Variants in VGLL4 observed in about 807,000 individuals in gnomAD.
VGLL4 encodes vestigial like family member 4, also known as transcription cofactor vestigial-like protein 4.
Under a neutral mutation model 21.0 loss-of-function variants are expected in VGLL4, and 7 were observed. The ratio of observed to expected loss-of-function variants is 0.33; its 90% CI spans 0.19 to 0.63. The LOEUF (loss-of-function observed/expected upper bound fraction) is 0.63. Among genes scored for constraint, VGLL4 ranks in the 20% least tolerant of loss-of-function variants. The probability of loss-of-function intolerance (pLI) is 0.78; values close to 1 mark genes in which losing one functional copy is unlikely to be tolerated. For missense variants in VGLL4, 394 were observed against 425.7 expected, an observed-to-expected ratio of 0.93 and a Z score of 0.66; for synonymous variants, 222 against 173.2, an observed-to-expected ratio of 1.28 and a Z score of -2.21.
At chr3:11,642,269 C>T (rs1260910310) in intron 1 of VGLL4, among the ~76,000 whole-genome samples, 1 of 152,150 alleles carries the variant, frequency 6.6e-6, no homozygotes, top group African/African-American at 2.4e-5. Context: ...ATGAGATCCT[C>T]ATCCATAGAG....
At chr3:11,620,522 G>A (rs138865981) in intron 1 of VGLL4, among the ~76,000 whole-genome samples, 146 of 152,230 alleles carry the variant, frequency 9.6e-4, no homozygotes, top group African/African-American at 3.2e-3. Context: ...TTGATCATAC[G>A]TAAAACCTTT....
intron 2 of VGLL4, among the ~76,000 whole-genome samples, chr3:11,702,282 A>T (rs1169007786): frequency 6.6e-6 from 1 of 152,014 alleles, no homozygotes; most frequent in African/African-American, 2.4e-5. Flanking sequence ...AACGACCTAC[A>T]ATTAACGGTT....
intron 2 of VGLL4, chr3:11,702,741 A>C (rs9850188): frequency 0.11 from 29,176 of 253,752 alleles, 2,944 homozygotes; most frequent in African/African-American, 0.28. Flanking sequence ...CAAAAAAAAA[A>C]AAACAAAAAA....
At chr3:11,561,481 C>G (rs1204393282) in intron 3 of VGLL4, among the ~76,000 whole-genome samples, 1 of 152,208 alleles carries the variant, frequency 6.6e-6, no homozygotes, top group African/African-American at 2.4e-5. Flanking sequence ...CTCTCCTCCT[C>G]CCCACAACCC....
chr3:11,647,692 T>C (rs1190750089), upstream of VGLL4, among the ~76,000 whole-genome samples: 12 of 152,216 alleles, frequency 7.9e-5, no homozygotes, highest in Admixed American at 7.8e-4. Context: ...GCTTCTTTCC[T>C]AGCCTAGATC....
chr3:11,565,130 G>T lies in VGLL4; in HGVS notation c.273-111C>A. The T allele has an allele frequency of 9.0e-7, 1 of 1,114,070 alleles. No individual in the cohort carries two copies. The highest frequency in any genetic ancestry group is 1.2e-6 in the Non-Finnish European group (1 of 845,900). The allele number at this position is 1,114,070 out of a possible 1,614,324, so 69.0% of individuals were successfully genotyped here. On this transcript the variant is annotated intron_variant, in intron 2 of 4. Coordinates refer to ENST00000430365, the MANE Select transcript of VGLL4 (RefSeq NM_001128219.3). The surrounding 1 kb of genome is among the most constrained non-coding windows in gnomAD (Gnocchi z 4.1). ...ATTTAATTTTTTACCCTGAAGCTCAGGTCGTGTGGCTGGGCAGCACGATGA... is the reference window on the plus strand; with the variant it reads ...ATTTAATTTTTTACCCTGAAGCTCATGTCGTGTGGCTGGGCAGCACGATGA...
chr3:11,652,118 C>T lies in VGLL4; in HGVS notation c.65-50096G>A, dbSNP rs148680207. ...CATATTTAAATTTTCAATACAACAC[C>T]ACCCTCTAGGGGTGAACTTTAAATT... is the stretch of plus-strand genomic sequence containing the variant. On this transcript the variant is annotated intron_variant, in intron 2 of 5. Coordinates refer to the VGLL4 transcript ENST00000273038. Among the ~76,000 whole-genome samples, 480 of 152,232 alleles carry T rather than the reference C, an allele frequency of 3.2e-3. 2 individuals are homozygous for T. Among genetic ancestry groups the T allele is most frequent in the African/African-American group, 0.011 (448 of 41,544 alleles).
intron 2 of VGLL4, among the ~76,000 whole-genome samples, chr3:11,573,291 G>A (rs1235673590): frequency 9.2e-5 from 1 of 10,914 alleles, no homozygotes. Context: ...AAGAAAGAAA[G>A]AAAGAAAGAA....
chr3:11,624,252 C>T (rs1283661847), intron 1 of VGLL4, among the ~76,000 whole-genome samples: 2 of 152,218 alleles, frequency 1.3e-5, no homozygotes, highest in African/African-American at 2.4e-5. Context: ...TGTCTCTTCT[C>T]ATGCCTCTTC....
chr3:11,672,577 C>CA (rs1181553806), intron 2 of VGLL4, among the ~76,000 whole-genome samples: 1 of 152,180 alleles, frequency 6.6e-6, no homozygotes, highest in Non-Finnish European at 1.5e-5. Flanking sequence ...AAGGTAATGA[C>CA]ATACTCATCC....
chr3:11,578,644 T>C (rs2074128776), intron 2 of VGLL4, among the ~76,000 whole-genome samples: 1 of 150,972 alleles, frequency 6.6e-6, no homozygotes, highest in African/African-American at 2.4e-5. Flanking sequence ...CCCAAAACTA[T>C]TGAGCTAAAT....
At chr3:11,635,528 C>A (rs776472724) in intron 1 of VGLL4, among the ~76,000 whole-genome samples, 5 of 152,164 alleles carry the variant, frequency 3.3e-5, no homozygotes, top group Admixed American at 6.5e-5. Context: ...CAAGAAGGTC[C>A]TCTCCCACTC....
At chr3:11,576,674 A>G (rs2074057730) in intron 2 of VGLL4, among the ~76,000 whole-genome samples, 1 of 152,212 alleles carries the variant, frequency 6.6e-6, no homozygotes, top group Admixed American at 6.5e-5. Context: ...AAGACCATCC[A>G]GTGCTAGTCA....
chr3:11,597,853 G>T (rs922880284), intron 2 of VGLL4, among the ~76,000 whole-genome samples: 6 of 152,082 alleles, frequency 3.9e-5, no homozygotes, highest in Admixed American at 3.3e-4. Context: ...TGGTGGTTCG[G>T]TAACAATATC....
At position 11,643,688 on chromosome 3, in the gene VGLL4, C is replaced by G. The variant is rs2075739994; in HGVS notation, c.-170G>C. 7.0e-7 allele frequency: 1 copy of G among 1,431,464 alleles called. No individual in the cohort carries two copies. The highest frequency in any genetic ancestry group is 2.8e-5 in the Admixed American group (1 of 35,170). The allele number at this position is 1,431,464 out of a possible 1,614,324, so 88.7% of individuals were successfully genotyped here. On this transcript the variant is annotated 5_prime_UTR_variant, in exon 1 of 5. Transcript: ENST00000430365. ...AAAAGTTAAAAAAAAAAAAATCAGGCACAAAAAAATCGAGCTCACACGAAA... is the reference window on the plus strand; with the variant it reads ...AAAAGTTAAAAAAAAAAAAATCAGGGACAAAAAAATCGAGCTCACACGAAA...
intron 3 of VGLL4, among the ~76,000 whole-genome samples, chr3:11,564,496 T>C (rs1472509727): frequency 5.9e-5 from 9 of 151,980 alleles, no homozygotes; most frequent in Non-Finnish European, 1.3e-4. Flanking sequence ...ACACCACCCC[T>C]GTACTGGGAG....
At chr3:11,645,155 GT>G, upstream of VGLL4, among the ~76,000 whole-genome samples, 1 of 141,622 alleles carries the variant, frequency 7.1e-6, no homozygotes, top group Non-Finnish European at 1.5e-5. Flanking sequence ...TGAATGTTCA[GT>G]TTTCAGCACA....
intron 1 of VGLL4, among the ~76,000 whole-genome samples, chr3:11,714,030 CCA>C (rs2076885659): frequency 6.6e-6 from 1 of 152,116 alleles, no homozygotes; most frequent in African/African-American, 2.4e-5. Context: ...GATAGTGCCA[CCA>C]CACAGTGACA....
At chr3:11,643,215 G>A (rs1024521737) in intron 1 of VGLL4, among the ~76,000 whole-genome samples, 10 of 152,208 alleles carry the variant, frequency 6.6e-5, no homozygotes, top group African/African-American at 2.4e-4. Flanking sequence ...AAACTTTGAA[G>A]GGTTTCTACT....
Sources: gnomAD v4.1 joint callset for allele counts (sites outside exome capture counted in the v4.1 genomes callset) on GRCh38, gnomAD v4.1.1 for gene constraint, Gnocchi (gnomAD v3.1) non-coding constraint, MANE v1.5 for transcripts, NCBI Gene and HGNC (gene_info 2026-07-23, HGNC 2026-07-21) for gene names.